MGST2: variants seen among roughly 807,000 people sequenced by gnomAD.
MGST2 encodes glutathione peroxidase MGST2.
MGST2 carries 9 observed loss-of-function variants against 16.6 expected under a neutral mutation model. The ratio of observed to expected loss-of-function variants is 0.54; its 90% CI spans 0.33 to 0.95. The LOEUF is 0.95. MGST2 is among the 40% of genes least tolerant of loss of function. The probability of loss-of-function intolerance (pLI) is 0.03; values close to 1 mark genes in which losing one functional copy is unlikely to be tolerated. For missense variants in MGST2, 159 were observed against 175.1 expected (o/e 0.91, Z 0.52); for synonymous variants, 79 against 68.0 (o/e 1.16, Z -0.79).
intron 3 of MGST2, chr4:139,698,683 T>C (rs1727077209): frequency 3.0e-6 from 2 of 668,524 alleles, no homozygotes; most frequent in African/African-American, 3.6e-5. Context: ...AAAAGCTGCA[T>C]TTCAATATGA....
chr4:139,723,131 T>C (rs1172095817), intron 5 of MGST2, among the ~76,000 whole-genome samples: 2 of 152,238 alleles, frequency 1.3e-5, no homozygotes, highest in Non-Finnish European at 1.5e-5. Flanking sequence ...AATAATTTGC[T>C]TCTGAAGTAT....
chr4:139,741,542 A>C (rs1000657271), downstream of MGST2, among the ~76,000 whole-genome samples: 1 of 152,012 alleles, frequency 6.6e-6, no homozygotes, highest in Non-Finnish European at 1.5e-5. Context: ...GCTTGAGTTC[A>C]GTTCAGGACC....
chr4:139,673,668 C>A (rs1236978381), intron 1 of MGST2, among the ~76,000 whole-genome samples: 1 of 152,170 alleles, frequency 6.6e-6, no homozygotes, highest in Non-Finnish European at 1.5e-5. Flanking sequence ...CCTGCCTCGG[C>A]CTCCCAGAAT....
chr4:139,678,443 A>G (rs1731071768), intron 1 of MGST2, 100 bp from the exon 2 acceptor site: 1 of 841,912 alleles, frequency 1.2e-6, no homozygotes, highest in African/African-American at 1.7e-5. Context: ...TAGACATTGT[A>G]ATAGGTATGT....
Position 139,666,082 on chromosome 4 carries a change from G to C in MGST2, c.58+5G>C. The C allele has an allele frequency of 6.2e-7, 1 of 1,611,148 alleles. No individual in the cohort carries two copies. The highest frequency in any genetic ancestry group is 1.1e-5 in the South Asian group (1 of 90,928). On this transcript the variant is annotated splice_donor_5th_base_variant and intron_variant, in intron 1 of 4. Coordinates refer to ENST00000265498, the MANE Select transcript of MGST2 (RefSeq NM_002413.5). ...TTCTCTCGGCCTGTCAGCAAAGTAA[G>C]AGGCATGGGAAGTTCGTGTGTGTGC...
In MGST2 at chr4:139,700,397, C is replaced by T. The variant is rs376823602; in HGVS notation, c.230-3058C>T. Among the ~76,000 whole-genome samples the T allele has an allele frequency of 9.2e-5, 14 of 152,240 alleles. No individual in the cohort carries two copies. In the East Asian group the frequency reaches 2.7e-3, roughly 29 times the overall value. On this transcript the variant is annotated intron_variant, in intron 3 of 4. Transcript: ENST00000265498. ...CCGCCAGTCTCGGCCTCCCAAAGTG[C>T]TGGGATTACAGGCGTGAGCCACCAC...
intron 2 of MGST2, among the ~76,000 whole-genome samples, chr4:139,685,929 G>A (rs8192086): frequency 0.056 from 8,563 of 152,256 alleles, 316 homozygotes; most frequent in African/African-American, 0.11. Context: ...CTCCCAAAGT[G>A]CTGGGATTAC....
At chr4:139,741,936 C>CA (rs1386110215), downstream of MGST2, among the ~76,000 whole-genome samples, 1 of 152,008 alleles carries the variant, frequency 6.6e-6, no homozygotes, top group Non-Finnish European at 1.5e-5. Context: ...CTGGGCACTC[C>CA]AAAAAATAGA....
At chr4:139,686,904 C>A (rs959716490) in intron 2 of MGST2, among the ~76,000 whole-genome samples, 2 of 152,174 alleles carry the variant, frequency 1.3e-5, no homozygotes, top group Non-Finnish European at 2.9e-5. Flanking sequence ...TACTGGGTAT[C>A]AAGGAGGCTA....
At chr4:139,702,843 GGTTTTTTTTTT>G (rs957564968) in intron 3 of MGST2, among the ~76,000 whole-genome samples, 5 of 27,604 alleles carry the variant, frequency 1.8e-4, no homozygotes, top group Non-Finnish European at 5.1e-4. Flanking sequence ...TTGTGTTACT[GGTTTTTTTTTT>G]TTTTTTTTTT....
intron 5 of MGST2, among the ~76,000 whole-genome samples, chr4:139,711,935 A>G (rs973459387): frequency 2.0e-5 from 3 of 152,188 alleles, no homozygotes; most frequent in African/African-American, 7.2e-5. Flanking sequence ...CATTCAGGGT[A>G]TAGAGGAGCT....
At chr4:139,730,774 G>C (rs987513995) in intron 5 of MGST2, 114 of 1,029,746 alleles carry the variant, frequency 1.1e-4, no homozygotes, top group Non-Finnish European at 1.5e-4. Context: ...CCCAGCTTAT[G>C]GACTGGAGGG....
chr4:139,704,582 T>G (rs1050422085), downstream of MGST2, among the ~76,000 whole-genome samples: 1 of 152,214 alleles, frequency 6.6e-6, no homozygotes, highest in African/African-American at 2.4e-5. Context: ...GGCAAACACA[T>G]AGAGTAGCCA....
At chr4:139,698,652 A>G (rs1727075106) in intron 3 of MGST2, 1 of 783,026 alleles carries the variant, frequency 1.3e-6, no homozygotes, top group Non-Finnish European at 2.2e-6. Flanking sequence ...TGTGTTTCTT[A>G]TAGCAATCCT....
downstream of MGST2, among the ~76,000 whole-genome samples, chr4:139,707,944 T>G (rs1229077139): frequency 2.0e-5 from 3 of 151,948 alleles, no homozygotes; most frequent in Non-Finnish European, 4.4e-5. Context: ...TCATTGTAGA[T>G]TCTGGATATT....
chr4:139,709,523 G>C (rs957780211), intron 5 of MGST2, among the ~76,000 whole-genome samples: 3 of 152,184 alleles, frequency 2.0e-5, no homozygotes, highest in Admixed American at 6.5e-5. Flanking sequence ...GAGGCATTAA[G>C]GGGTAAAGTG....
At chr4:139,724,619 T>C (rs1728390816) in intron 5 of MGST2, among the ~76,000 whole-genome samples, 1 of 152,158 alleles carries the variant, frequency 6.6e-6, no homozygotes, top group Middle Eastern at 3.2e-3. Flanking sequence ...TTTGAGAAGC[T>C]AGGACACATT....
intron 5 of MGST2, among the ~76,000 whole-genome samples, chr4:139,738,807 A>G (rs879845146): frequency 2.6e-5 from 4 of 152,206 alleles, no homozygotes; most frequent in Admixed American, 6.5e-5. Flanking sequence ...ACCACTGTTA[A>G]TATTTTGATG....
At chr4:139,711,695 C>G (rs1046844346) in intron 5 of MGST2, among the ~76,000 whole-genome samples, 13 of 152,168 alleles carry the variant, frequency 8.5e-5, no homozygotes, top group African/African-American at 3.1e-4. Flanking sequence ...CCTATCTCAT[C>G]CTGTGACTTA....
Sources: gnomAD v4.1 joint callset for allele counts (sites outside exome capture counted in the v4.1 genomes callset) on GRCh38, gnomAD v4.1.1 for gene constraint, MANE v1.5 for transcripts, NCBI Gene and HGNC (gene_info 2026-07-23, HGNC 2026-07-21) for gene names.